The following PRKN variants were observed in gnomAD, a reference collection of about 807,000 sequenced individuals.
The protein encoded by PRKN is E3 ubiquitin-protein ligase parkin.
In PRKN, 56 loss-of-function variants were observed where a neutral mutation model predicts 59.5. The observed-to-expected ratio is 0.94, with a 90% CI of 0.76 to 1.18. The LOEUF is 1.18. Among genes scored for constraint, PRKN ranks in the 50% most tolerant of loss-of-function variants. The probability of loss-of-function intolerance (pLI) is 0.00; values close to 1 mark genes in which losing one functional copy is unlikely to be tolerated. For missense variants in PRKN, 657 were observed against 596.4 expected, an observed-to-expected ratio of 1.10 and a Z score of -1.06; for synonymous variants, 250 against 222.1, an observed-to-expected ratio of 1.13 and a Z score of -1.12.
intron 1 of PRKN, among the ~76,000 whole-genome samples, chr6:162,700,366 C>T (rs554332411): frequency 1.3e-5 from 2 of 152,162 alleles, no homozygotes; most frequent in East Asian, 1.9e-4. Context: ...ATGTTCCGAG[C>T]ATGCTCAATT....
chr6:161,843,125 T>A (rs148625946), intron 6 of PRKN, among the ~76,000 whole-genome samples: 1 of 152,226 alleles, frequency 6.6e-6, no homozygotes, highest in African/African-American at 2.4e-5. Context: ...GTTAATAATT[T>A]ATAGTCAGAA....
chr6:162,107,622 T>C (rs1197695006), intron 4 of PRKN, among the ~76,000 whole-genome samples: 1 of 152,238 alleles, frequency 6.6e-6, no homozygotes, highest in Non-Finnish European at 1.5e-5. Context: ...GAGAGGTACA[T>C]GCCTTTGTTA....
At chr6:162,560,769 G>A (rs1779799822) in intron 1 of PRKN, among the ~76,000 whole-genome samples, 1 of 142,700 alleles carries the variant, frequency 7.0e-6, no homozygotes, top group Non-Finnish European at 1.5e-5. Flanking sequence ...GTCAATCAGT[G>A]TATACTTAAT....
rs1016052576 is a variant in PRKN, at chr6:161,528,780, C to A, written c.1083+20074G>T. ...CTGCCTCAGGAGATGGTATAATTAT[C>A]TCCTGGGGAGGTGACTTTTTGTCTT... On this transcript the variant is annotated intron_variant, in intron 9 of 11. Coordinates refer to ENST00000366898, the MANE Select transcript of PRKN (RefSeq NM_004562.3). 4.8e-4 allele frequency among the ~76,000 whole-genome samples: 73 copies of A among 152,270 alleles called. 2 individuals are homozygous for A. Among genetic ancestry groups the A allele is most frequent in the Middle Eastern group, 3.4e-3 (1 of 294 alleles).
chr6:161,519,709 A>T (rs1395591273), intron 9 of PRKN, among the ~76,000 whole-genome samples: 1 of 152,248 alleles, frequency 6.6e-6, no homozygotes, highest in Non-Finnish European at 1.5e-5. Flanking sequence ...GTGTACTAGA[A>T]TAATTTCCAT....
At chr6:162,041,781 A>T (rs1784077713) in intron 5 of PRKN, among the ~76,000 whole-genome samples, 1 of 152,196 alleles carries the variant, frequency 6.6e-6, no homozygotes, top group African/African-American at 2.4e-5. Flanking sequence ...AAATTGTAAC[A>T]ATTGTGACTT....
intron 9 of PRKN, among the ~76,000 whole-genome samples, chr6:161,441,474 G>T: frequency 6.6e-6 from 1 of 151,884 alleles, no homozygotes; most frequent in East Asian, 1.9e-4. Flanking sequence ...GTGAAACCCC[G>T]TATCTACTAA....
intron 7 of PRKN, among the ~76,000 whole-genome samples, chr6:161,680,730 T>C (rs188828468): frequency 0.14 from 1,233 of 8,872 alleles, 33 homozygotes; most frequent in African/African-American, 0.31. Context: ...GAAATACATA[T>C]ATATATATAT....
chr6:161,513,292 G>T (rs988080862), intron 9 of PRKN, among the ~76,000 whole-genome samples: 1 of 152,292 alleles, frequency 6.6e-6, no homozygotes, highest in East Asian at 1.9e-4. Context: ...CCAGGCTGGA[G>T]TGCAGTGGTG....
intron 2 of PRKN, among the ~76,000 whole-genome samples, chr6:162,301,297 T>G (rs1229248679): frequency 6.6e-6 from 1 of 152,074 alleles, no homozygotes; most frequent in Non-Finnish European, 1.5e-5. Context: ...AGGCTACTGA[T>G]CTTTGTAGTA....
intron 5 of PRKN, among the ~76,000 whole-genome samples, chr6:162,045,774 G>A (rs1333957410): frequency 6.6e-6 from 1 of 152,146 alleles, no homozygotes; most frequent in East Asian, 1.9e-4. Context: ...GCTGTTTCCC[G>A]GCCGAGAAGC....
chr6:161,850,583 A>AC (rs1453706748), intron 6 of PRKN, among the ~76,000 whole-genome samples: 1 of 151,864 alleles, frequency 6.6e-6, no homozygotes, highest in African/African-American at 2.4e-5. Flanking sequence ...TCAAAAAAAA[A>AC]AAAAAAAAAA....
intron 9 of PRKN, among the ~76,000 whole-genome samples, chr6:161,432,102 T>C (rs771663555): frequency 4.7e-4 from 71 of 152,358 alleles, no homozygotes; most frequent in Admixed American, 1.1e-3. Flanking sequence ...AGGCTATCCT[T>C]GCTTCATAAA....
chr6:162,047,729 A>G (rs1336419139), intron 5 of PRKN, among the ~76,000 whole-genome samples: 3 of 152,236 alleles, frequency 2.0e-5, no homozygotes, highest in Non-Finnish European at 4.4e-5. Context: ...TGGACATAAA[A>G]TACGGAAATG....
At chr6:162,083,083 T>C (rs1779122417) in intron 4 of PRKN, among the ~76,000 whole-genome samples, 3 of 151,940 alleles carry the variant, frequency 2.0e-5, no homozygotes, top group Admixed American at 2.0e-4. Context: ...GCCTCCCAAG[T>C]AGCTTGGATT....
intron 6 of PRKN, among the ~76,000 whole-genome samples, chr6:161,879,940 T>G (rs986878423): frequency 6.6e-6 from 1 of 152,174 alleles, no homozygotes; most frequent in Non-Finnish European, 1.5e-5. Context: ...TTTAGGCATA[T>G]GCACATTAGA....
chr6:161,513,966 T>A (rs1341546785), intron 9 of PRKN, among the ~76,000 whole-genome samples: 1 of 152,114 alleles, frequency 6.6e-6, no homozygotes, highest in Non-Finnish European at 1.5e-5. Flanking sequence ...ATTTTGGGAA[T>A]CATTAAGGTC....
In PRKN at chr6:161,378,668, C is replaced by A. The variant is rs1315886957; in HGVS notation, c.1167+8126G>T. On this transcript the variant is annotated intron_variant, in intron 10 of 11. Coordinates refer to ENST00000366898, the MANE Select transcript of PRKN (RefSeq NM_004562.3). The surrounding 1 kb of genome is among the most constrained non-coding windows in gnomAD (Gnocchi z 7.3). The stretch of plus-strand genomic sequence containing the variant: ...ATACCCATGGGAACACTGGTCCTGT[C>A]ACACATCCTACTGCCCAGAAGCTGT... 6.6e-6 allele frequency among the ~76,000 whole-genome samples: 1 copy of A among 152,202 alleles called. No homozygotes were observed. The highest frequency in any genetic ancestry group is 1.5e-5 in the Non-Finnish European group (1 of 68,030).
intron 6 of PRKN, among the ~76,000 whole-genome samples, chr6:161,806,905 T>C (rs574329139): frequency 5.9e-5 from 9 of 152,196 alleles, no homozygotes; most frequent in African/African-American, 2.2e-4. Flanking sequence ...TTTTCGCAAA[T>C]AGTGAGAAAT....
Sources: gnomAD v4.1 joint callset for allele counts (sites outside exome capture counted in the v4.1 genomes callset) on GRCh38, gnomAD v4.1.1 for gene constraint, Gnocchi (gnomAD v3.1) non-coding constraint, MANE v1.5 for transcripts, NCBI Gene and HGNC (gene_info 2026-07-23, HGNC 2026-07-21) for gene names.